Variants in CRY1 observed in about 807,000 individuals in gnomAD.
The protein encoded by CRY1 is cryptochrome circadian regulator 1, also known as cryptochrome-1.
Under a neutral mutation model 76.0 loss-of-function variants are expected in CRY1, and 45 were observed. The observed-to-expected ratio is 0.59, with a 90% confidence interval of 0.47 to 0.76. The LOEUF is 0.76. Among genes scored for constraint, CRY1 ranks in the 30% least tolerant of loss-of-function variants. CRY1 has a pLI of 0.00. For synonymous variants in CRY1, 248 were observed against 244.0 expected (o/e 1.02, Z -0.15); for missense variants, 587 against 716.4 (o/e 0.82, Z 2.06).
rs528988834 is a variant in CRY1, at chr12:107,001,452, G to A, written c.596-84C>T. ...AATAACTGGGAGAACAAATTACTTTGCAGAAAAATTAAGAGAGTACCATAA... is the reference window on the plus strand; with the variant it reads ...AATAACTGGGAGAACAAATTACTTTACAGAAAAATTAAGAGAGTACCATAA... On this transcript the variant is annotated intron_variant, in intron 4 of 12. Coordinates refer to ENST00000008527, the MANE Select transcript of CRY1 (RefSeq NM_004075.5). 13 of 1,189,990 alleles carry A rather than the reference G, an allele frequency of 1.1e-5. No individual in the cohort carries two copies. In the East Asian group the frequency reaches 3.1e-4, roughly 28 times the overall value. The allele number at this position is 1,189,990 out of a possible 1,614,324, so 73.7% of individuals were successfully genotyped here. A position where few individuals can be genotyped will look rare whatever the true frequency, so the allele number is the denominator to read the frequency against.
intron 2 of CRY1, among the ~76,000 whole-genome samples, chr12:107,017,511 A>G (rs958416428): frequency 6.6e-6 from 1 of 152,172 alleles, no homozygotes; most frequent in Admixed American, 6.6e-5. Context: ...AAACTCACAC[A>G]TCTCAGACTT....
intron 1 of CRY1, among the ~76,000 whole-genome samples, chr12:107,062,614 C>T (rs1441757152): frequency 1.3e-5 from 2 of 152,102 alleles, no homozygotes; most frequent in African/African-American, 2.4e-5. Context: ...AGTTATCTTG[C>T]AGATCTCCCT....
At chr12:107,071,117 A>T (rs1370560616) in intron 1 of CRY1, among the ~76,000 whole-genome samples, 2 of 152,080 alleles carry the variant, frequency 1.3e-5, no homozygotes, top group Non-Finnish European at 2.9e-5. Flanking sequence ...CCATTTTTAT[A>T]CCTTTTATAC....
chr12:107,090,096 C>CA (rs1953452785), intron 1 of CRY1, among the ~76,000 whole-genome samples: 1 of 146,278 alleles, frequency 6.8e-6, no homozygotes, highest in African/African-American at 2.5e-5. Context: ...TTTTCTTTTT[C>CA]TTTTTTTTTT....
Position 107,072,958 on chromosome 12 carries a change from A to G in CRY1, c.158+19846T>C, listed in dbSNP as rs553775105. On this transcript the variant is annotated intron_variant, in intron 1 of 12. Transcript: ENST00000008527. Reference sequence around the variant, plus strand: ...ACCTCACTGAATTGGAAATGATCCAATAAGTAGTGTTGGAATAACTGGCCA... The same window carrying G: ...ACCTCACTGAATTGGAAATGATCCAGTAAGTAGTGTTGGAATAACTGGCCA... 5.3e-5 allele frequency: 8 copies of G among 152,328 alleles called. No homozygotes were observed. In the East Asian group the frequency reaches 1.4e-3, roughly 26 times the overall value. 9.4% of individuals were successfully genotyped at this position (152,328 alleles called of 1,614,324 possible). A position where few individuals can be genotyped will look rare whatever the true frequency, so the allele number is the denominator to read the frequency against.
intron 1 of CRY1, among the ~76,000 whole-genome samples, chr12:107,073,464 T>G (rs1268970811): frequency 2.6e-5 from 4 of 152,172 alleles, no homozygotes; most frequent in South Asian, 4.1e-4. Context: ...CGGTGACTCA[T>G]GCCTGTAATC....
chr12:107,034,301 TA>T (rs1284375617), intron 1 of CRY1, among the ~76,000 whole-genome samples: 1 of 152,100 alleles, frequency 6.6e-6, no homozygotes, highest in Non-Finnish European at 1.5e-5. Context: ...CTATATGGTC[TA>T]AAAAGAGGAG....
At position 107,092,913 on chromosome 12, in the gene CRY1, C is replaced by T; in HGVS notation, c.49G>A (p.Asp17Asn). Residue 17 changes from aspartate (D) to asparagine (N), a missense_variant, in exon 1 of 13, where the codon GAC becomes AAC. Coordinates refer to ENST00000008527, the MANE Select transcript of CRY1 (RefSeq NM_004075.5). Reference protein sequence around the residue: ...HWFRKGLRLHDNPALKECIQG... With the variant: ...HWFRKGLRLHNNPALKECIQG... Reference sequence around the variant, plus strand: ...ATGCACTCCTTCAGGGCGGGGTTGTCGTGGAGCCGGAGCCCCTTTCGGAAC... The same window carrying T: ...ATGCACTCCTTCAGGGCGGGGTTGTTGTGGAGCCGGAGCCCCTTTCGGAAC... 6.2e-7 allele frequency: 1 copy of T among 1,606,348 alleles called. No homozygotes were observed. The highest frequency in any genetic ancestry group is 8.5e-7 in the Non-Finnish European group (1 of 1,177,394).
At chr12:106,995,284 C>T (rs1477151246) in intron 10 of CRY1, among the ~76,000 whole-genome samples, 2 of 152,160 alleles carry the variant, frequency 1.3e-5, no homozygotes, top group Non-Finnish European at 2.9e-5. Flanking sequence ...CTTTTGTCCC[C>T]TTCTCCCAAA....
chr12:107,010,772 G>T (rs141613389), intron 2 of CRY1, among the ~76,000 whole-genome samples: 45 of 151,962 alleles, frequency 3.0e-4, no homozygotes, highest in African/African-American at 1.0e-3. Context: ...TGCTACTATT[G>T]TAATTGTTTT....
chr12:107,050,563 C>T (rs1322601409), intron 1 of CRY1, among the ~76,000 whole-genome samples: 1 of 152,146 alleles, frequency 6.6e-6, no homozygotes, highest in African/African-American at 2.4e-5. Flanking sequence ...CCTTCTGCCA[C>T]AATTGTAAGT....
At chr12:107,013,825 A>ATATTT (rs1355777127) in intron 2 of CRY1, among the ~76,000 whole-genome samples, 2 of 152,250 alleles carry the variant, frequency 1.3e-5, no homozygotes, top group African/African-American at 4.8e-5. Context: ...AAAAGATAAA[A>ATATTT]TAGCTTATTA....
intron 2 of CRY1, among the ~76,000 whole-genome samples, chr12:107,005,943 G>T (rs1490764999): frequency 6.6e-6 from 1 of 151,884 alleles, no homozygotes; most frequent in East Asian, 1.9e-4. Context: ...TTCTTAAGGA[G>T]AAAGTTTTTT....
chr12:107,016,827 T>C (rs1349757406), intron 2 of CRY1, among the ~76,000 whole-genome samples: 2 of 152,212 alleles, frequency 1.3e-5, no homozygotes. Flanking sequence ...TAAATGGGAA[T>C]CCATTCTGCC....
chr12:107,061,062 A>G (rs1464229660), intron 1 of CRY1, among the ~76,000 whole-genome samples: 1 of 152,132 alleles, frequency 6.6e-6, no homozygotes, highest in Non-Finnish European at 1.5e-5. Flanking sequence ...TTAAACTCCT[A>G]TTTCTTATCA....
chr12:107,040,599 C>G (rs1230756406), intron 1 of CRY1, among the ~76,000 whole-genome samples: 1 of 151,754 alleles, frequency 6.6e-6, no homozygotes, highest in Non-Finnish European at 1.5e-5. Flanking sequence ...TGAAAACTTC[C>G]TAAAAATCTG....
At chr12:107,078,663 A>G (rs1275452378) in intron 1 of CRY1, among the ~76,000 whole-genome samples, 1 of 152,026 alleles carries the variant, frequency 6.6e-6, no homozygotes, top group African/African-American at 2.4e-5. Context: ...TGAAATTTCT[A>G]TTTTCTCCAT....
At chr12:106,997,894 T>C in intron 8 of CRY1, 21 bp downstream of exon 8, 1 of 1,609,172 alleles carries the variant, frequency 6.2e-7, no homozygotes, top group Non-Finnish European at 8.5e-7. Flanking sequence ...CCAAACTGAG[T>C]AGTAATCACC....
At chr12:107,019,897 C>A (rs2136842223) in intron 2 of CRY1, among the ~76,000 whole-genome samples, 2 of 151,946 alleles carry the variant, frequency 1.3e-5, no homozygotes, top group South Asian at 4.2e-4. Flanking sequence ...ACAGTCAGGG[C>A]AACAGAGCGA....
Sources: gnomAD v4.1 joint callset for allele counts (sites outside exome capture counted in the v4.1 genomes callset) on GRCh38, gnomAD v4.1.1 for gene constraint, MANE v1.5 for transcripts, NCBI Gene and HGNC (gene_info 2026-07-23, HGNC 2026-07-21) for gene names.